The following TRPC4 variants were observed in gnomAD, a reference collection of about 807,000 sequenced individuals.
TRPC4 encodes the protein short transient receptor potential channel 4.
In TRPC4, 49 loss-of-function variants were observed where a neutral mutation model predicts 99.4. That is an observed-to-expected ratio of 0.49 (90% confidence interval 0.39 to 0.63). The LOEUF is 0.63. TRPC4 is among the 20% of genes least tolerant of loss of function. The pLI is 0.00. For missense variants in TRPC4, 898 were observed against 1,152.9 expected (o/e 0.78, Z 3.20); for synonymous variants, 454 against 425.9 (o/e 1.07, Z -0.81).
At chr13:37,694,984 C>A (rs1458053347) in intron 3 of TRPC4, among the ~76,000 whole-genome samples, 1 of 152,124 alleles carries the variant, frequency 6.6e-6, no homozygotes, top group East Asian at 1.9e-4. Context: ...TAAATTGTAT[C>A]CCAGTAATTA....
At chr13:37,768,584 T>C (rs1297870788) in intron 2 of TRPC4, among the ~76,000 whole-genome samples, 2 of 151,394 alleles carry the variant, frequency 1.3e-5, no homozygotes, top group Admixed American at 6.6e-5. Context: ...ATTTTAGCAA[T>C]TTACAAGTTC....
chr13:37,745,519 C>CGTATATATATATATAT (rs1566138668), intron 3 of TRPC4, among the ~76,000 whole-genome samples: 3 of 104,780 alleles, frequency 2.9e-5, no homozygotes, highest in Non-Finnish European at 5.2e-5. Flanking sequence ...TATATATATA[C>CGTATATATATATATAT]GTATATATGT....
At chr13:37,846,016 C>A (rs75519590) in intron 1 of TRPC4, among the ~76,000 whole-genome samples, 1,664 of 152,144 alleles carry the variant, frequency 0.011, 22 homozygotes, top group African/African-American at 0.038. Context: ...GAGGCAAATT[C>A]TATATTAATA....
intron 3 of TRPC4, among the ~76,000 whole-genome samples, chr13:37,704,059 A>G (rs1954188897): frequency 6.6e-6 from 1 of 152,186 alleles, no homozygotes; most frequent in South Asian, 2.1e-4. Context: ...ATTGATATAC[A>G]CACATGGTTG....
chr13:37,707,359 C>G (rs541676261), intron 3 of TRPC4, among the ~76,000 whole-genome samples: 28 of 152,134 alleles, frequency 1.8e-4, no homozygotes, highest in Admixed American at 7.9e-4. Flanking sequence ...TCACTCTGTT[C>G]CAAGATGTAA....
At chr13:37,743,617 G>A (rs1004475129) in intron 3 of TRPC4, among the ~76,000 whole-genome samples, 1 of 152,084 alleles carries the variant, frequency 6.6e-6, no homozygotes, top group African/African-American at 2.4e-5. Context: ...AATCCCAAGT[G>A]CCCCGTGCAT....
intron 1 of TRPC4, among the ~76,000 whole-genome samples, chr13:37,847,402 C>T (rs897540750): frequency 7.2e-5 from 11 of 151,980 alleles, no homozygotes; most frequent in Admixed American, 3.3e-4. Flanking sequence ...TAGGAAAATA[C>T]ACAAGCATGT....
intron 4 of TRPC4, among the ~76,000 whole-genome samples, chr13:37,676,223 C>A (rs1229131439): frequency 6.7e-6 from 1 of 148,818 alleles, no homozygotes; most frequent in East Asian, 2.0e-4. Flanking sequence ...CATATTCAAA[C>A]CGTCAAAAAC....
In TRPC4 at chr13:37,832,626, G is replaced by A. The variant is rs117765917; in HGVS notation, c.-28+36969C>T. 6.1e-3 allele frequency among the ~76,000 whole-genome samples: 920 copies of A among 151,970 alleles called. 5 individuals carry two copies. The highest frequency in any genetic ancestry group is 0.024 in the Middle Eastern group (7 of 294). On this transcript the variant is annotated intron_variant, in intron 1 of 10. Transcript: ENST00000379705. ...AGAACACATGAAACAAATAGGAATC[G>A]AATAGTTAGATGATTCAATTAAATC...
chr13:37,719,472 T>C (rs560883211), intron 3 of TRPC4, among the ~76,000 whole-genome samples: 2 of 151,658 alleles, frequency 1.3e-5, no homozygotes, highest in South Asian at 2.1e-4. Context: ...TTAAAGGAAA[T>C]GATACTGGAA....
At position 37,811,736 on chromosome 13, in the gene TRPC4, C is replaced by T. The variant is rs75001815; in HGVS notation, c.-27-28376G>A. ...TACACAGGGTCAGGGACAGTCTATT[C>T]CCACTTTCCAAAACGGAAAAACCAA... On this transcript the variant is annotated intron_variant, in intron 1 of 10. Coordinates refer to ENST00000379705, the MANE Select transcript of TRPC4 (RefSeq NM_016179.4). Among the ~76,000 whole-genome samples the T allele has an allele frequency of 5.5e-3, 843 of 152,180 alleles. 2 individuals carry two copies. The highest frequency in any genetic ancestry group is 0.014 in the Middle Eastern group (4 of 294).
intron 1 of TRPC4, among the ~76,000 whole-genome samples, chr13:37,836,616 T>C (rs963980904): frequency 6.6e-6 from 1 of 152,174 alleles, no homozygotes; most frequent in Admixed American, 6.5e-5. Context: ...TGATTTAGGG[T>C]ATCTGCTGGA....
At chr13:37,729,390 A>G (rs1223082460) in intron 3 of TRPC4, among the ~76,000 whole-genome samples, 1 of 151,944 alleles carries the variant, frequency 6.6e-6, no homozygotes, top group Admixed American at 6.6e-5. Flanking sequence ...GGGAATGTAA[A>G]ATGGTAAAGC....
intron 4 of TRPC4, among the ~76,000 whole-genome samples, chr13:37,675,040 C>T (rs1952998339): frequency 6.6e-6 from 1 of 151,628 alleles, no homozygotes; most frequent in Admixed American, 6.6e-5. Flanking sequence ...TATTTAGAGC[C>T]TAATGATGAG....
At chr13:37,862,591 A>C (rs1959440204) in intron 1 of TRPC4, among the ~76,000 whole-genome samples, 1 of 151,576 alleles carries the variant, frequency 6.6e-6, no homozygotes, top group African/African-American at 2.4e-5. Flanking sequence ...TTGTAATATA[A>C]TTTATGTTAT....
In TRPC4 at chr13:37,636,739, T is replaced by G; in HGVS notation, c.*164A>C. 3.2e-6 allele frequency: 3 copies of G among 930,148 alleles called. No homozygotes were observed. Among genetic ancestry groups the G allele is most frequent in the East Asian group, 5.8e-5 (2 of 34,496 alleles). The allele number at this position is 930,148 out of a possible 1,614,324, so 57.6% of individuals were successfully genotyped here. A position where few individuals can be genotyped will look rare whatever the true frequency, so the allele number is the denominator to read the frequency against. ...GCAGGCTACAAAACAAAAAGGTTTT[T>G]GATTGCCTTTGCCTTATTTAAACAT... is the stretch of plus-strand genomic sequence containing the variant. On this transcript the variant is annotated 3_prime_UTR_variant, in exon 11 of 11. Coordinates refer to ENST00000379705, the MANE Select transcript of TRPC4 (RefSeq NM_016179.4).
intron 2 of TRPC4, among the ~76,000 whole-genome samples, chr13:37,758,931 T>C (rs1286182693): frequency 3.3e-5 from 5 of 151,646 alleles, no homozygotes; most frequent in African/African-American, 1.2e-4. Context: ...ACAATAAATA[T>C]ATGCATTTAG....
At chr13:37,866,959 T>C (rs1042985101) in intron 1 of TRPC4, among the ~76,000 whole-genome samples, 1 of 138,914 alleles carries the variant, frequency 7.2e-6, no homozygotes, top group African/African-American at 3.4e-5. Flanking sequence ...GGGGTTTCCA[T>C]AGGCATTAAA....
chr13:37,869,566 A>G (rs1440199005), intron 1 of TRPC4, 29 bp downstream of exon 1: 81 of 152,144 alleles, frequency 5.3e-4, no homozygotes, highest in Non-Finnish European at 5.9e-5. Context: ...CTCCGGTCGA[A>G]CGGAGCCCCG....
Sources: gnomAD v4.1 joint callset for allele counts (sites outside exome capture counted in the v4.1 genomes callset) on GRCh38, gnomAD v4.1.1 for gene constraint, MANE v1.5 for transcripts, NCBI Gene and HGNC (gene_info 2026-07-23, HGNC 2026-07-21) for gene names.